MACROD2: variants seen among roughly 807,000 people sequenced by gnomAD.
MACROD2 encodes ADP-ribose glycohydrolase MACROD2.
MACROD2 carries 36 observed loss-of-function variants against 70.4 expected under a neutral mutation model. That is an observed-to-expected ratio of 0.51 (90% CI 0.39 to 0.68). The LOEUF (loss-of-function observed/expected upper bound fraction) is 0.68, where lower values mean the gene tolerates loss of function less well. Among genes scored for constraint, MACROD2 ranks in the 30% least tolerant of loss-of-function variants. MACROD2 has a pLI of 0.00. For synonymous variants in MACROD2, 172 were observed against 178.8 expected (o/e 0.96, Z 0.30); for missense variants, 496 against 538.4 (o/e 0.92, Z 0.78).
intron 2 of MACROD2, among the ~76,000 whole-genome samples, chr20:14,027,253 C>T (rs2053182134): frequency 6.6e-6 from 1 of 151,998 alleles, no homozygotes; most frequent in South Asian, 2.1e-4. Flanking sequence ...ATCGATTCGG[C>T]TATTGATACT....
intron 3 of MACROD2, among the ~76,000 whole-genome samples, chr20:14,152,311 ACAAT>A (rs1482358553): frequency 2.0e-5 from 3 of 152,232 alleles, no homozygotes; most frequent in Non-Finnish European, 4.4e-5. Flanking sequence ...TTCTGTTAAC[ACAAT>A]CTAGTCTATC....
intron 2 of MACROD2, among the ~76,000 whole-genome samples, chr20:14,013,401 T>G (rs1474568109): frequency 2.0e-5 from 3 of 151,324 alleles, no homozygotes; most frequent in African/African-American, 7.3e-5. Flanking sequence ...GCCTCCCGAG[T>G]AGCTAGGACT....
intron 4 of MACROD2, among the ~76,000 whole-genome samples, chr20:14,555,461 G>A (rs1366014058): frequency 6.6e-6 from 1 of 151,928 alleles, no homozygotes. Context: ...AGCATTTTCT[G>A]AGCCAGGTAC....
intron 5 of MACROD2, among the ~76,000 whole-genome samples, chr20:14,742,836 G>A (rs1198290169): frequency 6.6e-6 from 1 of 150,564 alleles, no homozygotes; most frequent in Non-Finnish European, 1.5e-5. Flanking sequence ...ACGGGATCTC[G>A]GCTCACTGCA....
chr20:15,089,223 A>G (rs2075775163), intron 5 of MACROD2, among the ~76,000 whole-genome samples: 1 of 152,306 alleles, frequency 6.6e-6, no homozygotes, highest in South Asian at 2.1e-4. Context: ...CGTAATCCAC[A>G]GATTCTTGTG....
intron 3 of MACROD2, among the ~76,000 whole-genome samples, chr20:14,348,170 G>A (rs1274838479): frequency 1.3e-5 from 2 of 151,852 alleles, no homozygotes; most frequent in Non-Finnish European, 2.9e-5. Context: ...TTGGGAGGCT[G>A]AGGCAGGAGA....
chr20:14,855,627 T>A (rs77325318), intron 5 of MACROD2, among the ~76,000 whole-genome samples: 1 of 125,090 alleles, frequency 8.0e-6, no homozygotes, highest in Non-Finnish European at 1.7e-5. Flanking sequence ...TTTTTTTTTT[T>A]AATAAGGCAC....
chr20:16,044,677 C>A, intron 17 of MACROD2, 38 bp downstream of exon 17: 1 of 1,564,872 alleles, frequency 6.4e-7, no homozygotes, highest in Non-Finnish European at 8.8e-7. Flanking sequence ...CAATGATCAA[C>A]CAGCCATAAG....
chr20:14,679,738 C>T (rs929716606), intron 4 of MACROD2, among the ~76,000 whole-genome samples: 31 of 105,588 alleles, frequency 2.9e-4, no homozygotes, highest in African/African-American at 1.4e-3. Context: ...TTCTCCCACA[C>T]GCTTTTTTTC....
Position 14,485,617 on chromosome 20 carries a change from C to T in MACROD2, c.272-7862C>T, listed in dbSNP as rs1171853403. Among the ~76,000 whole-genome samples the T allele has an allele frequency of 2.9e-5, 4 of 136,930 alleles. No individual in the cohort carries two copies. The South Asian group carries it at 7.8e-4, about 27-fold the overall frequency. 89.8% of individuals were successfully genotyped at this position (136,930 alleles called of 152,430 possible). ...TTGGGAGGCTGAGGCAGGAGAATGA[C>T]GTGAACCCAGGAGGCGGAGCTTGCA... On this transcript the variant is annotated intron_variant, in intron 3 of 17. Transcript: ENST00000684519.
chr20:15,596,507 G>C (rs2048748020), intron 8 of MACROD2, among the ~76,000 whole-genome samples: 1 of 152,142 alleles, frequency 6.6e-6, no homozygotes, highest in Admixed American at 6.5e-5. Context: ...GCTGGATTTG[G>C]TCAACTTCCT....
intron 13 of MACROD2, among the ~76,000 whole-genome samples, chr20:15,971,138 G>A (rs771933371): frequency 2.0e-5 from 3 of 152,102 alleles, no homozygotes; most frequent in Non-Finnish European, 2.9e-5. Context: ...TGTGAGCAGA[G>A]GCACTGCTTG....
intron 6 of MACROD2, among the ~76,000 whole-genome samples, chr20:15,316,011 G>T (rs2077806177): frequency 1.3e-5 from 2 of 151,170 alleles, no homozygotes; most frequent in Admixed American, 1.3e-4. Flanking sequence ...GTAAATTTAG[G>T]ATGCTAATTA....
chr20:15,711,933 C>A (rs754924790), intron 8 of MACROD2, among the ~76,000 whole-genome samples: 5 of 152,122 alleles, frequency 3.3e-5, no homozygotes, highest in Non-Finnish European at 5.9e-5. Context: ...CCCTGGGTTT[C>A]AAGCATTTGA....
intron 4 of MACROD2, among the ~76,000 whole-genome samples, chr20:14,610,812 A>T (rs1348062304): frequency 6.6e-6 from 1 of 152,126 alleles, no homozygotes; most frequent in Non-Finnish European, 1.5e-5. Context: ...TGGTCAACAT[A>T]TGCAAATGTA....
intron 3 of MACROD2, among the ~76,000 whole-genome samples, chr20:14,442,523 T>C (rs549173470): frequency 6.6e-6 from 1 of 152,258 alleles, no homozygotes; most frequent in East Asian, 1.9e-4. Flanking sequence ...TTTATTGGAA[T>C]AATACAAACT....
intron 5 of MACROD2, among the ~76,000 whole-genome samples, chr20:14,724,182 G>GT (rs202172285): frequency 1.6e-3 from 240 of 150,960 alleles, no homozygotes; most frequent in African/African-American, 5.0e-3. Context: ...AGACTAAGGT[G>GT]TTTTTTTTTC....
chr20:15,320,559 A>G (rs563768132), intron 6 of MACROD2, among the ~76,000 whole-genome samples: 2 of 152,322 alleles, frequency 1.3e-5, no homozygotes, highest in South Asian at 4.2e-4. Flanking sequence ...TATCCATTTG[A>G]TAAGTTAAGA....
chr20:14,907,605 CA>C (rs1156391891), intron 5 of MACROD2, among the ~76,000 whole-genome samples: 1 of 151,958 alleles, frequency 6.6e-6, no homozygotes, highest in Non-Finnish European at 1.5e-5. Flanking sequence ...TTTGCTGGGT[CA>C]AAAATGGAGA....
Sources: gnomAD v4.1 joint callset for allele counts (sites outside exome capture counted in the v4.1 genomes callset) on GRCh38, gnomAD v4.1.1 for gene constraint, MANE v1.5 for transcripts, NCBI Gene and HGNC (gene_info 2026-07-23, HGNC 2026-07-21) for gene names.